Variants in MPHOSPH9 observed in about 807,000 individuals in gnomAD.
MPHOSPH9 encodes M-phase phosphoprotein 9.
MPHOSPH9 carries 88 observed loss-of-function variants against 145.5 expected under a neutral mutation model. That is an observed-to-expected ratio of 0.60 (90% CI 0.51 to 0.72). The LOEUF (loss-of-function observed/expected upper bound fraction) is 0.72. Among genes scored for constraint, MPHOSPH9 ranks in the 30% least tolerant of loss-of-function variants. The probability of loss-of-function intolerance (pLI) is 0.00; values close to 1 mark genes in which losing one functional copy is unlikely to be tolerated. For missense variants in MPHOSPH9, 1,238 were observed against 1,386.6 expected (o/e 0.89, Z 1.70); for synonymous variants, 435 against 486.2 (o/e 0.89, Z 1.39).
chr12:123,218,203 G>C (rs1231321218), intron 6 of MPHOSPH9, among the ~76,000 whole-genome samples, 173 bp downstream of exon 6: 1 of 152,092 alleles, frequency 6.6e-6, no homozygotes, highest in Non-Finnish European at 1.5e-5. Context: ...TTGCACTCCA[G>C]TCTGGGCCAT....
At chr12:123,228,864 G>A (rs1311465389) in intron 2 of MPHOSPH9, among the ~76,000 whole-genome samples, 1 of 152,182 alleles carries the variant, frequency 6.6e-6, no homozygotes, top group South Asian at 2.1e-4. Flanking sequence ...ATCAAACACT[G>A]TTCTAACAGG....
At chr12:123,202,015 G>T in intron 11 of MPHOSPH9, 149 bp downstream of exon 11, 1 of 806,854 alleles carries the variant, frequency 1.2e-6, no homozygotes, top group Non-Finnish European at 1.9e-6. Context: ...TATTATAAGA[G>T]GGGGGTTTAG....
chr12:123,234,657 A>G (rs1161835104), upstream of MPHOSPH9, among the ~76,000 whole-genome samples: 1 of 152,190 alleles, frequency 6.6e-6, no homozygotes, highest in Non-Finnish European at 1.5e-5. Context: ...TCGGCCACCC[A>G]AAGTGCTGGG....
chr12:123,192,628 CAAAAAAAAAAAAAAA>C (rs55831766), intron 13 of MPHOSPH9, among the ~76,000 whole-genome samples: 4 of 49,374 alleles, frequency 8.1e-5, no homozygotes, highest in Non-Finnish European at 1.4e-4. Flanking sequence ...GACACCGTCT[CAAAAAAAAAAAAAAA>C]AAAAAAAAAA....
Position 123,224,346 on chromosome 12 carries a change from G to C in MPHOSPH9, c.259-1219C>G, listed in dbSNP as rs573263819. Among the ~76,000 whole-genome samples the C allele has an allele frequency of 1.6e-3, 247 of 152,028 alleles. 1 individual carries two copies. The highest frequency in any genetic ancestry group is 5.5e-3 in the African/African-American group (228 of 41,474). On this transcript the variant is annotated intron_variant, in intron 3 of 23. Coordinates refer to ENST00000606320, the MANE Select transcript of MPHOSPH9 (RefSeq NM_022782.4). ...AGACGGGGTTTCACCATGTTAGCCA[G>C]GATGGTCTCAATCTCCTGACCTCAT...
intron 23 of MPHOSPH9, chr12:123,160,256 C>T (rs2044051088): frequency 6.6e-6 from 1 of 152,608 alleles, no homozygotes; most frequent in Non-Finnish European, 1.5e-5. Flanking sequence ...GGCTGGAACT[C>T]CTGACCTCAG....
rs2138052123 is a variant in MPHOSPH9 at position 123,176,776 on chromosome 12, G to A, written c.2368C>T (p.Leu790Phe). 2 of 1,611,646 alleles carry A rather than the reference G, an allele frequency of 1.2e-6. No individual in the cohort carries two copies. Among genetic ancestry groups the A allele is most frequent in the Middle Eastern group, 1.7e-4 (1 of 5,966 alleles). Residue 790 changes from leucine to phenylalanine, a missense_variant, in exon 16 of 24, where the codon CTT (leucine) becomes TTT (phenylalanine). By Grantham distance (22) the Leu-to-Phe change is conservative (BLOSUM62 0). Transcript: ENST00000606320. The stretch of plus-strand genomic sequence containing the variant: ...TCTACTTGCTTGACCTGAGCTTCAA[G>A]TTTTGAAATCATTCTAATTCAAAAG... ...ISDLKRMISK[L>F]EAQVKQVEHE...
chr12:123,189,362 T>C (rs1362008076), intron 13 of MPHOSPH9, among the ~76,000 whole-genome samples: 1 of 152,128 alleles, frequency 6.6e-6, no homozygotes, highest in East Asian at 1.9e-4. Flanking sequence ...ACGAACAGAA[T>C]ATGTCAAGAT....
chr12:123,188,037 G>A (rs1413715311), intron 13 of MPHOSPH9, among the ~76,000 whole-genome samples: 2 of 152,118 alleles, frequency 1.3e-5, no homozygotes, highest in Non-Finnish European at 2.9e-5. Context: ...TGAGGCAAGA[G>A]ATTGCTTGAA....
rs928341529 is a variant in MPHOSPH9 at position 123,159,274 on chromosome 12, A to G, written c.3450+1507T>C. 1.3e-5 allele frequency among the ~76,000 whole-genome samples: 2 copies of G among 151,484 alleles called. No individual in the cohort carries two copies. The highest frequency in any genetic ancestry group is 2.9e-5 in the Non-Finnish European group (2 of 67,856). ...CACCACCCAGGTTCAAGCGATTCTCATGCCTCAGCCTCCCGAGTAGCTAGG... is the reference window on the plus strand; with the variant it reads ...CACCACCCAGGTTCAAGCGATTCTCGTGCCTCAGCCTCCCGAGTAGCTAGG... On this transcript the variant is annotated intron_variant, in intron 23 of 23. Transcript: ENST00000606320. This position sits in a 1 kb window ranked among gnomAD's most constrained non-coding sequence, Gnocchi z 4.3.
chr12:123,228,444 C>T (rs1460082218), intron 2 of MPHOSPH9, among the ~76,000 whole-genome samples: 1 of 152,232 alleles, frequency 6.6e-6, no homozygotes, highest in Non-Finnish European at 1.5e-5. Context: ...AATCCCAGCA[C>T]TTTGGGAGGC....
intron 15 of MPHOSPH9, among the ~76,000 whole-genome samples, chr12:123,177,139 G>A (rs1441699746): frequency 6.6e-6 from 1 of 151,974 alleles, no homozygotes; most frequent in Non-Finnish European, 1.5e-5. Context: ...GCAGTGAGCC[G>A]AGATCGCACC....
chr12:123,218,526 A>AG, intron 5 of MPHOSPH9, 27 bp from the exon 6 acceptor site: 2 of 1,588,170 alleles, frequency 1.3e-6, no homozygotes, highest in Non-Finnish European at 1.7e-6. Context: ...AACCAAAATT[A>AG]CTTTTTTTTT....
chr12:123,210,664 C>G (rs931085876), intron 7 of MPHOSPH9, among the ~76,000 whole-genome samples: 1 of 151,656 alleles, frequency 6.6e-6, no homozygotes, highest in Non-Finnish European at 1.5e-5. Flanking sequence ...TGCACTCCAG[C>G]CTGAGTGATA....
intron 16 of MPHOSPH9, among the ~76,000 whole-genome samples, chr12:123,167,191 G>A (rs77983490): frequency 0.015 from 2,277 of 152,246 alleles, 23 homozygotes; most frequent in South Asian, 0.034. Context: ...AATGCTATCT[G>A]CACTGTCCAA....
chr12:123,185,997 C>T (rs1196012270), intron 13 of MPHOSPH9, among the ~76,000 whole-genome samples: 1 of 151,724 alleles, frequency 6.6e-6, no homozygotes, highest in African/African-American at 2.4e-5. Flanking sequence ...GAGGCCGAGG[C>T]GGGTGGATCA....
chr12:123,164,807 G>A (rs1199640089), intron 18 of MPHOSPH9, among the ~76,000 whole-genome samples: 5 of 152,096 alleles, frequency 3.3e-5, no homozygotes, highest in Non-Finnish European at 7.4e-5. Flanking sequence ...CCAGGAGTTC[G>A]AGACCAACCT....
chr12:123,163,839 T>C, intron 19 of MPHOSPH9, 111 bp downstream of exon 19: 1 of 1,304,318 alleles, frequency 7.7e-7, no homozygotes, highest in Non-Finnish European at 1.1e-6. Flanking sequence ...AGTACTCTAC[T>C]AGGTGCTGAG....
At chr12:123,184,133 G>A (rs2045329535) in intron 13 of MPHOSPH9, among the ~76,000 whole-genome samples, 1 of 151,656 alleles carries the variant, frequency 6.6e-6, no homozygotes, top group South Asian at 2.1e-4. Flanking sequence ...TCGAGCCCAG[G>A]GGTTTGAAGA....
Sources: allele counts gnomAD v4.1 joint callset (sites outside exome capture counted in the v4.1 genomes callset), GRCh38; gene constraint gnomAD v4.1.1; non-coding constraint Gnocchi (gnomAD v3.1); transcripts MANE v1.5; gene names NCBI Gene and HGNC (gene_info 2026-07-23, HGNC 2026-07-21).